The following NUBPL variants were observed in gnomAD, a reference collection of about 807,000 sequenced individuals.
The protein encoded by NUBPL is NUBP iron-sulfur cluster assembly factor, mitochondrial, also known as iron-sulfur cluster transfer protein NUBPL.
In NUBPL, 31 loss-of-function variants were observed where a neutral mutation model predicts 45.7. The observed-to-expected ratio is 0.68, with a 90% CI of 0.51 to 0.92. The LOEUF is 0.92. NUBPL is among the 40% of genes least tolerant of loss of function. The probability of loss-of-function intolerance (pLI) is 0.00; values close to 1 mark genes in which losing one functional copy is unlikely to be tolerated. For synonymous variants in NUBPL, 144 were observed against 140.9 expected, an observed-to-expected ratio of 1.02 and a Z score of -0.15; for missense variants, 401 against 398.7, an observed-to-expected ratio of 1.01 and a Z score of -0.05.
intron 6 of NUBPL, among the ~76,000 whole-genome samples, chr14:31,757,902 T>G (rs1482921429): frequency 6.6e-6 from 1 of 152,134 alleles, no homozygotes; most frequent in Non-Finnish European, 1.5e-5. Flanking sequence ...TTCTTCCCTT[T>G]TTTTCAGATA....
At chr14:31,674,919 G>A (rs539641093) in intron 6 of NUBPL, among the ~76,000 whole-genome samples, 8 of 152,174 alleles carry the variant, frequency 5.3e-5, no homozygotes, top group Non-Finnish European at 8.8e-5. Context: ...GGCGGATCAC[G>A]AGGTCAGGAG....
At chr14:31,767,900 A>G (rs2038942225) in intron 6 of NUBPL, among the ~76,000 whole-genome samples, 1 of 152,182 alleles carries the variant, frequency 6.6e-6, no homozygotes, top group Non-Finnish European at 1.5e-5. Context: ...GCCTTTACAT[A>G]CATGTTCCAG....
At position 31,654,645 on chromosome 14, in the gene NUBPL, A is replaced by G. The variant is rs553011225; in HGVS notation, c.383-18710A>G. On this transcript the variant is annotated intron_variant, in intron 4 of 10. Coordinates refer to ENST00000281081, the MANE Select transcript of NUBPL (RefSeq NM_025152.3). ...AGGATGGTCTCAATCTCCTGACCTC[A>G]TGATCTACCCACCTCGGCCTCCCAA... Among the ~76,000 whole-genome samples, 292 of 152,064 alleles carry G rather than the reference A, an allele frequency of 1.9e-3. 1 individual carries two copies. Among genetic ancestry groups the G allele is most frequent in the Non-Finnish European group, 3.4e-3 (229 of 67,974 alleles).
intron 6 of NUBPL, among the ~76,000 whole-genome samples, chr14:31,718,152 GAGA>G (rs1178424044): frequency 2.6e-5 from 4 of 152,212 alleles, no homozygotes; most frequent in South Asian, 2.1e-4. Context: ...AATCTTGTCA[GAGA>G]AGAACATTAG....
In NUBPL at chr14:31,678,317, C is replaced by A. The variant is rs116930682; in HGVS notation, c.513+4743C>A. 3.7e-4 allele frequency among the ~76,000 whole-genome samples: 56 copies of A among 152,324 alleles called. 2 individuals are homozygous for A. In the East Asian group the frequency reaches 0.011, roughly 29 times the overall value. On this transcript the variant is annotated intron_variant, in intron 6 of 10. Transcript: ENST00000281081. ...CTGAGCTGGCACCTAAGGTGCCAGG[C>A]AAAGTCTCCTTTACTTTTCCCTTTG... is the stretch of plus-strand genomic sequence containing the variant.
chr14:31,776,535 G>C (rs565217140), intron 6 of NUBPL, among the ~76,000 whole-genome samples: 109 of 152,306 alleles, frequency 7.2e-4, no homozygotes, highest in Non-Finnish European at 7.8e-4. Flanking sequence ...GCCAGGACTT[G>C]ATCTGATTGG....
rs998868108 is a variant in NUBPL, at chr14:31,772,808, G to A, written c.514-14972G>A. On this transcript the variant is annotated intron_variant, in intron 6 of 10. Coordinates refer to ENST00000281081, the MANE Select transcript of NUBPL (RefSeq NM_025152.3). ...CTTTTATCTCTTAAAATTGTCTGCT[G>A]TTACTTTTTGAACTCATAGTGACTT... Among the ~76,000 whole-genome samples, 7 of 152,236 alleles carry A rather than the reference G, an allele frequency of 4.6e-5. No homozygotes were observed. In the East Asian group the frequency reaches 1.2e-3, roughly 25 times the overall value.
chr14:31,586,187 G>A (rs1176209724), intron 3 of NUBPL, among the ~76,000 whole-genome samples: 3 of 152,130 alleles, frequency 2.0e-5, no homozygotes, highest in African/African-American at 7.2e-5. Flanking sequence ...TAGACACTAT[G>A]TTTATCCATG....
chr14:31,574,709 C>G (rs1018252036), intron 3 of NUBPL, among the ~76,000 whole-genome samples: 2 of 150,502 alleles, frequency 1.3e-5, no homozygotes, highest in East Asian at 3.9e-4. Context: ...TCTGCCTCAG[C>G]CTTCCGAGTA....
chr14:31,789,207 T>A (rs1465242268), intron 7 of NUBPL, among the ~76,000 whole-genome samples: 1 of 152,022 alleles, frequency 6.6e-6, no homozygotes, highest in Non-Finnish European at 1.5e-5. Flanking sequence ...GCACCTGTAG[T>A]CCCAGCTACT....
intron 8 of NUBPL, among the ~76,000 whole-genome samples, chr14:31,841,644 T>C (rs547251756): frequency 1.3e-5 from 2 of 152,300 alleles, no homozygotes; most frequent in South Asian, 4.1e-4. Context: ...CCAATTTAAT[T>C]TAAATAATTT....
At chr14:31,716,120 C>T (rs751598270) in intron 6 of NUBPL, among the ~76,000 whole-genome samples, 11 of 152,068 alleles carry the variant, frequency 7.2e-5, no homozygotes, top group Non-Finnish European at 1.3e-4. Context: ...ACATCTTGTC[C>T]CACTGAAAGG....
At chr14:31,638,480 C>T (rs953867028) in intron 4 of NUBPL, among the ~76,000 whole-genome samples, 2 of 151,862 alleles carry the variant, frequency 1.3e-5, no homozygotes, top group African/African-American at 2.4e-5. Context: ...ATGGGCTTCC[C>T]TTTGTGGGTA....
At chr14:31,649,701 C>T (rs538025778) in intron 4 of NUBPL, among the ~76,000 whole-genome samples, 3 of 152,310 alleles carry the variant, frequency 2.0e-5, no homozygotes, top group African/African-American at 7.2e-5. Context: ...GTATTATGCA[C>T]ATGCTGTTGA....
intron 3 of NUBPL, among the ~76,000 whole-genome samples, chr14:31,594,165 C>T (rs1000206983): frequency 9.9e-5 from 15 of 152,230 alleles, no homozygotes; most frequent in African/African-American, 3.4e-4. Flanking sequence ...CACCTGTAAT[C>T]CCAGCACTTT....
chr14:31,669,265 G>T (rs1253360631), intron 4 of NUBPL, among the ~76,000 whole-genome samples: 1 of 152,120 alleles, frequency 6.6e-6, no homozygotes, highest in Admixed American at 6.5e-5. Flanking sequence ...TCAGGGTAAT[G>T]AGCAGATTAA....
intron 3 of NUBPL, among the ~76,000 whole-genome samples, chr14:31,584,972 C>T (rs542866812): frequency 9.0e-4 from 137 of 152,298 alleles, no homozygotes; most frequent in African/African-American, 3.2e-3. Flanking sequence ...TGATTATCTC[C>T]CAAAGGCCCC....
intron 6 of NUBPL, among the ~76,000 whole-genome samples, chr14:31,735,975 C>G (rs1212472677): frequency 6.6e-6 from 1 of 152,144 alleles, no homozygotes; most frequent in Non-Finnish European, 1.5e-5. Context: ...GCCCATAAAA[C>G]ATTATAAATA....
At chr14:31,644,607 A>G (rs1283990235) in intron 4 of NUBPL, among the ~76,000 whole-genome samples, 2 of 152,150 alleles carry the variant, frequency 1.3e-5, no homozygotes, top group East Asian at 1.9e-4. Context: ...ATGTGGCAAT[A>G]AAGAGAGTGT....
Sources: gnomAD v4.1 joint callset for allele counts (sites outside exome capture counted in the v4.1 genomes callset) on GRCh38, gnomAD v4.1.1 for gene constraint, MANE v1.5 for transcripts, NCBI Gene and HGNC (gene_info 2026-07-23, HGNC 2026-07-21) for gene names.